The following MAGI2 variants were observed in gnomAD, a reference collection of about 807,000 sequenced individuals.
MAGI2 encodes the protein membrane-associated guanylate kinase, WW and PDZ domain-containing protein 2.
A neutral mutation model predicts 133.3 loss-of-function variants in MAGI2; 35 were observed. The ratio of observed to expected loss-of-function variants is 0.26; its 90% CI spans 0.20 to 0.35. MAGI2 has a LOEUF of 0.35. Among genes scored for constraint, MAGI2 ranks in the 10% least tolerant of loss-of-function variants. The pLI is 1.00. For synonymous variants in MAGI2, 729 were observed against 710.6 expected (o/e 1.03, Z -0.41); for missense variants, 1,636 against 1,863.4 (o/e 0.88, Z 2.25).
intron 21 of MAGI2, among the ~76,000 whole-genome samples, chr7:78,026,753 G>T (rs1253216837): frequency 2.0e-5 from 3 of 152,188 alleles, no homozygotes; most frequent in South Asian, 2.1e-4. Context: ...TTCAGGCTGG[G>T]TGTTTCCGAA....
chr7:78,036,819 G>T (rs573759686), intron 21 of MAGI2, among the ~76,000 whole-genome samples: 1 of 152,200 alleles, frequency 6.6e-6, no homozygotes, highest in South Asian at 2.1e-4. Flanking sequence ...TCTCCATGTT[G>T]CCCAGGCTGG....
chr7:79,134,076 T>C (rs1205034424), intron 1 of MAGI2, among the ~76,000 whole-genome samples: 6 of 152,202 alleles, frequency 3.9e-5, no homozygotes, highest in Admixed American at 1.3e-4. Context: ...ATATTAATAA[T>C]GTTAAACCAA....
At position 79,140,678 on chromosome 7, in the gene MAGI2, A is replaced by T. The variant is rs936396544; in HGVS notation, c.302-133472T>A. Among the ~76,000 whole-genome samples, 4 of 152,298 alleles carry T rather than the reference A, an allele frequency of 2.6e-5. No homozygotes were observed. In the East Asian group the frequency reaches 7.7e-4, roughly 29 times the overall value. On this transcript the variant is annotated intron_variant, in intron 1 of 21. Coordinates refer to ENST00000354212, the MANE Select transcript of MAGI2 (RefSeq NM_012301.4). The stretch of plus-strand genomic sequence containing the variant: ...ATCTAAACATCAGATTATGAACCAT[A>T]ATCAATATTATAAAATGTTATTTCC...
chr7:79,441,747 C>T (rs1848510367), intron 1 of MAGI2, among the ~76,000 whole-genome samples: 3 of 151,956 alleles, frequency 2.0e-5, no homozygotes, highest in Admixed American at 2.0e-4. Flanking sequence ...TTTAGTTTTT[C>T]TTTACATTTT....
At chr7:78,129,699 C>T (rs534412028) in intron 18 of MAGI2, among the ~76,000 whole-genome samples, 110 of 152,170 alleles carry the variant, frequency 7.2e-4, no homozygotes, top group Non-Finnish European at 1.5e-3. Context: ...AATCCCAGCA[C>T]TTTGGGAGGC....
intron 1 of MAGI2, among the ~76,000 whole-genome samples, chr7:79,210,324 A>G (rs1829403226): frequency 6.6e-6 from 1 of 152,038 alleles, no homozygotes; most frequent in Non-Finnish European, 1.5e-5. Flanking sequence ...ATAAATGTTG[A>G]TATCTGTATG....
intron 21 of MAGI2, among the ~76,000 whole-genome samples, chr7:78,063,095 A>G (rs1463026137): frequency 6.6e-6 from 1 of 152,080 alleles, no homozygotes; most frequent in African/African-American, 2.4e-5. Flanking sequence ...AACTGCCTGC[A>G]TTTTTCTATA....
At chr7:78,296,868 G>A (rs368166305) in intron 9 of MAGI2, among the ~76,000 whole-genome samples, 70 of 152,322 alleles carry the variant, frequency 4.6e-4, no homozygotes, top group African/African-American at 1.6e-3. Flanking sequence ...GCGTGGGAAA[G>A]GCTCACCTGG....
At chr7:78,130,744 A>G (rs994985058) in intron 18 of MAGI2, among the ~76,000 whole-genome samples, 2 of 152,234 alleles carry the variant, frequency 1.3e-5, no homozygotes, top group African/African-American at 4.8e-5. Context: ...GTAGTAGAAG[A>G]AGCAAAATAC....
intron 20 of MAGI2, among the ~76,000 whole-genome samples, chr7:78,111,851 C>T (rs1349802437): frequency 6.6e-6 from 1 of 152,176 alleles, no homozygotes; most frequent in Non-Finnish European, 1.5e-5. Flanking sequence ...TGTAAAGAGG[C>T]ACGCTGTATG....
intron 1 of MAGI2, among the ~76,000 whole-genome samples, chr7:79,143,591 T>C (rs1483868347): frequency 1.3e-5 from 2 of 152,186 alleles, no homozygotes; most frequent in African/African-American, 2.4e-5. Context: ...ATGTAGATGA[T>C]TAAGATTGAA....
chr7:78,842,918 A>G (rs888627975), intron 2 of MAGI2, among the ~76,000 whole-genome samples: 7 of 151,920 alleles, frequency 4.6e-5, no homozygotes, highest in African/African-American at 1.4e-4. Flanking sequence ...TTTATCTTAC[A>G]CATGAGTATC....
chr7:79,326,911 C>T (rs938699992), intron 1 of MAGI2, among the ~76,000 whole-genome samples: 3 of 152,170 alleles, frequency 2.0e-5, no homozygotes, highest in Admixed American at 6.6e-5. Flanking sequence ...ACTGGATTTA[C>T]ATTCAGACAC....
At chr7:78,147,196 T>C (rs1823387397) in intron 16 of MAGI2, among the ~76,000 whole-genome samples, 1 of 152,194 alleles carries the variant, frequency 6.6e-6, no homozygotes, top group Non-Finnish European at 1.5e-5. Flanking sequence ...AAATTAAATA[T>C]GAACAGACCC....
At chr7:78,088,723 G>A (rs914217641) in intron 20 of MAGI2, among the ~76,000 whole-genome samples, 1 of 152,132 alleles carries the variant, frequency 6.6e-6, no homozygotes, top group Admixed American at 6.5e-5. Context: ...CAAGGCAGGA[G>A]CAAAGGGTAA....
At chr7:78,442,668 A>G (rs1456376924) in intron 6 of MAGI2, among the ~76,000 whole-genome samples, 3 of 152,128 alleles carry the variant, frequency 2.0e-5, no homozygotes, top group Non-Finnish European at 4.4e-5. Context: ...TGTGATTTTA[A>G]TCCCCTAAAT....
At chr7:78,238,567 T>G (rs987072347) in intron 10 of MAGI2, among the ~76,000 whole-genome samples, 1 of 152,068 alleles carries the variant, frequency 6.6e-6, no homozygotes, top group Admixed American at 6.6e-5. Flanking sequence ...CTCTTTTTCT[T>G]ATATCCCCCA....
chr7:78,945,564 AC>A (rs1374328894), intron 2 of MAGI2, among the ~76,000 whole-genome samples: 2 of 152,186 alleles, frequency 1.3e-5, no homozygotes, highest in Non-Finnish European at 2.9e-5. Flanking sequence ...AACCACAGTC[AC>A]CTTGCTGTAC....
At chr7:78,718,749 A>G (rs1030265669) in intron 2 of MAGI2, among the ~76,000 whole-genome samples, 1 of 152,024 alleles carries the variant, frequency 6.6e-6, no homozygotes. Context: ...GTGTGCTTGA[A>G]TCATCCCGAA....
Sources: allele counts gnomAD v4.1 joint callset (sites outside exome capture counted in the v4.1 genomes callset), GRCh38; gene constraint gnomAD v4.1.1; transcripts MANE v1.5; gene names NCBI Gene and HGNC (gene_info 2026-07-23, HGNC 2026-07-21).